CTIF: variants seen among roughly 807,000 people sequenced by gnomAD.
CTIF encodes CBP80/20-dependent translation initiation factor.
A neutral mutation model predicts 66.0 loss-of-function variants in CTIF; 21 were observed. That is an observed-to-expected ratio of 0.32 (90% CI 0.23 to 0.46). The LOEUF is 0.46. Ranked by LOEUF, CTIF falls within the 20% of genes least tolerant of loss-of-function variation. The probability of loss-of-function intolerance (pLI) is 1.00; values close to 1 mark genes in which losing one functional copy is unlikely to be tolerated. For missense variants in CTIF, 739 were observed against 812.7 expected (o/e 0.91, Z 1.10); for synonymous variants, 345 against 326.4 (o/e 1.06, Z -0.62).
At chr18:48,561,368 A>T (rs1178478542) in intron 1 of CTIF, among the ~76,000 whole-genome samples, 2 of 152,222 alleles carry the variant, frequency 1.3e-5, no homozygotes, top group African/African-American at 4.8e-5. Context: ...ATAATTTAAA[A>T]GTGGCTCCCC....
intron 7 of CTIF, among the ~76,000 whole-genome samples, chr18:48,721,397 C>G (rs1391620435): frequency 6.6e-6 from 1 of 152,210 alleles, no homozygotes; most frequent in Non-Finnish European, 1.5e-5. Flanking sequence ...GAGGTCTAGT[C>G]TCTACTGAAA....
intron 3 of CTIF, among the ~76,000 whole-genome samples, chr18:48,660,505 T>TG (rs934650233): frequency 6.6e-6 from 1 of 152,234 alleles, no homozygotes; most frequent in African/African-American, 2.4e-5. Flanking sequence ...TCCCATCAGC[T>TG]GGGAGCACAT....
At chr18:48,550,694 C>G (rs1249634570) in intron 1 of CTIF, among the ~76,000 whole-genome samples, 2 of 152,214 alleles carry the variant, frequency 1.3e-5, no homozygotes, top group African/African-American at 4.8e-5. Context: ...GCCTCCTCAT[C>G]ATTCCTTGGA....
chr18:48,668,144 C>T (rs553150063), intron 5 of CTIF, among the ~76,000 whole-genome samples: 55 of 152,346 alleles, frequency 3.6e-4, no homozygotes, highest in African/African-American at 1.3e-3. Context: ...GGACAGCAGC[C>T]CTCCCTGCAG....
At chr18:48,828,306 G>GT (rs1439605695) in intron 10 of CTIF, among the ~76,000 whole-genome samples, 1 of 152,240 alleles carries the variant, frequency 6.6e-6, no homozygotes, top group Non-Finnish European at 1.5e-5. Context: ...GGAAGGTGGT[G>GT]TGGGTGCAAG....
At chr18:48,812,598 T>G (rs891178324) in intron 9 of CTIF, among the ~76,000 whole-genome samples, 2 of 151,852 alleles carry the variant, frequency 1.3e-5, no homozygotes, top group African/African-American at 4.8e-5. Flanking sequence ...ACAAAAAAAT[T>G]TAAAAGTTAG....
chr18:48,793,416 C>T (rs1010214601), intron 9 of CTIF, among the ~76,000 whole-genome samples: 3 of 152,202 alleles, frequency 2.0e-5, no homozygotes, highest in African/African-American at 7.2e-5. Flanking sequence ...GCTTTGCTCC[C>T]TGTGGCTTTA....
chr18:48,613,956 C>A (rs1015942009), intron 1 of CTIF, among the ~76,000 whole-genome samples: 1 of 152,202 alleles, frequency 6.6e-6, no homozygotes, highest in African/African-American at 2.4e-5. Context: ...TGCTGCTTGC[C>A]TTTTAGTTCC....
rs577712351 is a variant in CTIF at position 48,711,914 on chromosome 18, C to T, written c.584+219C>T. Among the ~76,000 whole-genome samples the T allele has an allele frequency of 3.9e-5, 6 of 152,226 alleles. No individual in the cohort carries two copies. The South Asian group carries it at 8.3e-4, about 21-fold the overall frequency. On this transcript the variant is annotated intron_variant, in intron 7 of 11. Coordinates refer to ENST00000256413, the MANE Select transcript of CTIF (RefSeq NM_014772.3). ...GGCCTAGGGATTGGCTCCCTTCAGG[C>T]GTTTGGCTGAGAGCCCACCATCACC...
chr18:48,618,723 A>G lies in CTIF; in HGVS notation c.-28-815A>G, dbSNP rs528422704. On this transcript the variant is annotated intron_variant, in intron 1 of 11. Transcript: ENST00000256413. Reference sequence around the variant, plus strand: ...TGGGTTGAGCACATCAGCTCCAGAGATTGCAGTTCTGTTGGTGGACTTTAA... The same window carrying G: ...TGGGTTGAGCACATCAGCTCCAGAGGTTGCAGTTCTGTTGGTGGACTTTAA... 2.6e-5 allele frequency among the ~76,000 whole-genome samples: 4 copies of G among 152,282 alleles called. No homozygotes were observed. The East Asian group carries it at 5.8e-4, about 22-fold the overall frequency.
At position 48,711,608 on chromosome 18, in the gene CTIF, C is replaced by T; in HGVS notation, c.508-11C>T. ...TTACTAATGATCCCCCTTCCTCCCC[C>T]CATGACACAGGGCTACCACCCGATG... On this transcript the variant is annotated splice_polypyrimidine_tract_variant and intron_variant, in intron 6 of 11. Transcript: ENST00000256413. The T allele has an allele frequency of 6.2e-7, 1 of 1,613,088 alleles. No individual in the cohort carries two copies. Among genetic ancestry groups the T allele is most frequent in the Middle Eastern group, 1.7e-4 (1 of 6,058 alleles).
chr18:48,543,202 G>A (rs1373906678), intron 1 of CTIF, among the ~76,000 whole-genome samples: 1 of 152,240 alleles, frequency 6.6e-6, no homozygotes, highest in Non-Finnish European at 1.5e-5. Flanking sequence ...GGAGGAGGCA[G>A]GAGATGGGTG....
chr18:48,836,568 A>G (rs909149795), intron 10 of CTIF, among the ~76,000 whole-genome samples: 9 of 152,204 alleles, frequency 5.9e-5, no homozygotes, highest in Admixed American at 2.0e-4. Flanking sequence ...TCAGCCCTCC[A>G]GGTCCCAACA....
In CTIF at chr18:48,730,692, CCT is replaced by C. The variant is rs1568172263; in HGVS notation, c.584+18998_584+18999del. Among the ~76,000 whole-genome samples, 37 of 114,812 alleles carry C rather than the reference CCT, an allele frequency of 3.2e-4. 2 individuals are homozygous for C. Among genetic ancestry groups the C allele is most frequent in the East Asian group, 2.3e-3 (8 of 3,480 alleles). The allele number at this position is 114,812 out of a possible 152,430, so 75.3% of individuals were successfully genotyped here. A position where few individuals can be genotyped will look rare whatever the true frequency, so the allele number is the denominator to read the frequency against. On this transcript the variant is annotated intron_variant, in intron 7 of 11. Transcript: ENST00000256413. ...AGGGGCTTCTGCGGTGTGAGGAGCC[CCT>C]GAGGTGTGAGGGGCTTCCGCGGTGT...
intron 2 of CTIF, among the ~76,000 whole-genome samples, chr18:48,623,942 A>G (rs1054166104): frequency 4.6e-5 from 7 of 151,112 alleles, no homozygotes; most frequent in African/African-American, 1.5e-4. Flanking sequence ...TAGATAAGAT[A>G]GATAGATAGA....
At position 48,859,841 on chromosome 18, in the gene CTIF, C is replaced by T. The variant is rs753374595; in HGVS notation, c.*282C>T. 1.6e-6 allele frequency: 1 copy of T among 608,984 alleles called. No homozygotes were observed. Among genetic ancestry groups the T allele is most frequent in the Non-Finnish European group, 3.1e-6 (1 of 324,778 alleles). 37.7% of individuals were successfully genotyped at this position (608,984 alleles called of 1,614,324 possible). A position where few individuals can be genotyped will look rare whatever the true frequency, so the allele number is the denominator to read the frequency against. Reference sequence around the variant, plus strand: ...TGGCCCTCCCCTTCCTCACTCCCGCCTCTCCCCTCCCCATCAGACCCATCC... The same window carrying T: ...TGGCCCTCCCCTTCCTCACTCCCGCTTCTCCCCTCCCCATCAGACCCATCC... On this transcript the variant is annotated 3_prime_UTR_variant, in exon 12 of 12. Coordinates refer to ENST00000256413, the MANE Select transcript of CTIF (RefSeq NM_014772.3).
At chr18:48,672,913 A>G (rs2091559469) in intron 6 of CTIF, among the ~76,000 whole-genome samples, 1 of 152,070 alleles carries the variant, frequency 6.6e-6, no homozygotes, top group Admixed American at 6.5e-5. Flanking sequence ...TGGCCCTGTC[A>G]GTCCCTCCCC....
At chr18:48,841,437 C>G (rs2068939533) in intron 10 of CTIF, among the ~76,000 whole-genome samples, 1 of 152,196 alleles carries the variant, frequency 6.6e-6, no homozygotes. Flanking sequence ...CCCAGCTCCT[C>G]TAGGGAATTG....
intron 1 of CTIF, among the ~76,000 whole-genome samples, chr18:48,559,281 C>T (rs1056373567): frequency 6.6e-6 from 1 of 151,912 alleles, no homozygotes; most frequent in Non-Finnish European, 1.5e-5. Context: ...CTTATTTCCT[C>T]ATCCTAGTTT....
Sources: allele counts gnomAD v4.1 joint callset (sites outside exome capture counted in the v4.1 genomes callset), GRCh38; gene constraint gnomAD v4.1.1; transcripts MANE v1.5; gene names NCBI Gene and HGNC (gene_info 2026-07-23, HGNC 2026-07-21).